The following SYNDIG1 variants were observed in gnomAD, a reference collection of about 807,000 sequenced individuals.
SYNDIG1 encodes synapse differentiation inducing 1.
Under a neutral mutation model 19.4 loss-of-function variants are expected in SYNDIG1, and 9 were observed. The ratio of observed to expected loss-of-function variants is 0.46; its 90% CI spans 0.28 to 0.81. The LOEUF (loss-of-function observed/expected upper bound fraction) is 0.81, where lower values mean the gene tolerates loss of function less well. Ranked by LOEUF, SYNDIG1 falls within the 30% of genes least tolerant of loss-of-function variation. SYNDIG1 has a pLI of 0.12. For missense variants in SYNDIG1, 311 were observed against 343.3 expected (o/e 0.91, Z 0.74); for synonymous variants, 141 against 145.9 (o/e 0.97, Z 0.24).
chr20:24,593,272 C>T (rs918991856), intron 3 of SYNDIG1, among the ~76,000 whole-genome samples: 3 of 152,160 alleles, frequency 2.0e-5, no homozygotes, highest in Non-Finnish European at 2.9e-5. Context: ...GTTTAGGTTC[C>T]ACTTGTAAGT....
At chr20:24,646,699 ACAATGTCCGCCTCCTGAGTT>A (rs2059426068) in intron 3 of SYNDIG1, among the ~76,000 whole-genome samples, 1 of 147,642 alleles carries the variant, frequency 6.8e-6, no homozygotes, top group African/African-American at 2.4e-5. Flanking sequence ...TCGGCTCTCT[ACAATGTCCGCCTCCTGAGTT>A]CAAGTGATTC....
At chr20:24,624,856 G>T (rs1473907694) in intron 3 of SYNDIG1, among the ~76,000 whole-genome samples, 1 of 152,090 alleles carries the variant, frequency 6.6e-6, no homozygotes, top group African/African-American at 2.4e-5. Context: ...ATGTGAGGCA[G>T]ACAACAAAAT....
At chr20:24,604,863 G>A (rs1412087619) in intron 3 of SYNDIG1, among the ~76,000 whole-genome samples, 1 of 152,122 alleles carries the variant, frequency 6.6e-6, no homozygotes, top group Non-Finnish European at 1.5e-5. Flanking sequence ...CGGTAACACT[G>A]GGATAATATT....
At chr20:24,632,492 G>A (rs1040407489) in intron 3 of SYNDIG1, among the ~76,000 whole-genome samples, 7 of 152,162 alleles carry the variant, frequency 4.6e-5, no homozygotes, top group Admixed American at 1.3e-4. Flanking sequence ...AGCCTGCCTC[G>A]GCCTCCCAAA....
chr20:24,558,859 A>G (rs1318994582), intron 2 of SYNDIG1, among the ~76,000 whole-genome samples: 1 of 152,186 alleles, frequency 6.6e-6, no homozygotes, highest in Non-Finnish European at 1.5e-5. Context: ...TATGTATTTC[A>G]CAGGCATGTT....
At chr20:24,513,882 C>T (rs901097814) in intron 1 of SYNDIG1, among the ~76,000 whole-genome samples, 2 of 152,140 alleles carry the variant, frequency 1.3e-5, no homozygotes, top group African/African-American at 2.4e-5. Flanking sequence ...AGAGAAAGGT[C>T]GGGTTACCCA....
At chr20:24,659,358 C>T (rs1207983593) in intron 3 of SYNDIG1, among the ~76,000 whole-genome samples, 2 of 152,292 alleles carry the variant, frequency 1.3e-5, no homozygotes, top group African/African-American at 2.4e-5. Flanking sequence ...CTTGGAAACA[C>T]GGTAGGGGGA....
At chr20:24,635,638 G>T (rs1303908295) in intron 3 of SYNDIG1, among the ~76,000 whole-genome samples, 1 of 152,156 alleles carries the variant, frequency 6.6e-6, no homozygotes. Context: ...CTTTTTATAA[G>T]CTTTTTTTAC....
At chr20:24,479,360 C>T (rs1354065097) in intron 1 of SYNDIG1, among the ~76,000 whole-genome samples, 1 of 152,146 alleles carries the variant, frequency 6.6e-6, no homozygotes, top group Non-Finnish European at 1.5e-5. Flanking sequence ...GGGCAGGACT[C>T]ACCTCTACCA....
At chr20:24,626,953 G>A (rs908335644) in intron 3 of SYNDIG1, among the ~76,000 whole-genome samples, 5 of 152,204 alleles carry the variant, frequency 3.3e-5, no homozygotes, top group African/African-American at 4.8e-5. Flanking sequence ...GCGCGCGCCT[G>A]CAATCGCAGG....
At chr20:24,570,312 A>G (rs1475831137) in intron 2 of SYNDIG1, among the ~76,000 whole-genome samples, 2 of 152,256 alleles carry the variant, frequency 1.3e-5, no homozygotes, top group African/African-American at 4.8e-5. Flanking sequence ...TTACTTAATC[A>G]AAATTAAAAA....
chr20:24,535,899 G>A (rs2057351860), intron 1 of SYNDIG1, among the ~76,000 whole-genome samples: 1 of 152,058 alleles, frequency 6.6e-6, no homozygotes, highest in African/African-American at 2.4e-5. Flanking sequence ...ACTTTCACTG[G>A]GGTACTGACT....
chr20:24,507,588 G>A (rs1195837925), intron 1 of SYNDIG1, among the ~76,000 whole-genome samples: 1 of 152,174 alleles, frequency 6.6e-6, no homozygotes, highest in Admixed American at 6.5e-5. Flanking sequence ...GCCTGCAGAA[G>A]AGTCCCCTTG....
At chr20:24,509,479 C>G (rs923004499) in intron 1 of SYNDIG1, among the ~76,000 whole-genome samples, 6 of 152,174 alleles carry the variant, frequency 3.9e-5, no homozygotes, top group African/African-American at 1.4e-4. Context: ...AACTTTTGTT[C>G]CAGTAGAATT....
chr20:24,635,608 G>A (rs6036856), intron 3 of SYNDIG1, among the ~76,000 whole-genome samples: 22 of 152,272 alleles, frequency 1.4e-4, no homozygotes, highest in African/African-American at 4.8e-4. Context: ...TCTTGATGAG[G>A]AGGCCGACTA....
intron 3 of SYNDIG1, among the ~76,000 whole-genome samples, chr20:24,644,963 G>A (rs1303175480): frequency 6.6e-6 from 1 of 152,214 alleles, no homozygotes; most frequent in Non-Finnish European, 1.5e-5. Flanking sequence ...TACAGATGAG[G>A]AAATTGAAGC....
intron 1 of SYNDIG1, among the ~76,000 whole-genome samples, chr20:24,507,809 G>A (rs1471385714): frequency 1.3e-5 from 2 of 152,204 alleles, no homozygotes; most frequent in African/African-American, 4.8e-5. Flanking sequence ...CTCCTGTCCA[G>A]GACATGCTAA....
chr20:24,571,487 A>G (rs1193740232), intron 2 of SYNDIG1, among the ~76,000 whole-genome samples: 3 of 152,142 alleles, frequency 2.0e-5, no homozygotes, highest in African/African-American at 7.2e-5. Context: ...ATATATATAT[A>G]CACACACACA....
intron 3 of SYNDIG1, among the ~76,000 whole-genome samples, chr20:24,626,325 G>A (rs928913601): frequency 7.3e-5 from 11 of 151,636 alleles, no homozygotes; most frequent in African/African-American, 1.7e-4. Context: ...CAGAGGGGGC[G>A]GTTGCCAGGC....
Sources: allele counts gnomAD v4.1 joint callset (sites outside exome capture counted in the v4.1 genomes callset), GRCh38; gene constraint gnomAD v4.1.1; transcripts MANE v1.5; gene names NCBI Gene and HGNC (gene_info 2026-07-23, HGNC 2026-07-21).